Variants in STK32B observed in about 807,000 individuals in gnomAD.
STK32B encodes serine/threonine kinase 32B.
Under a neutral mutation model 52.6 loss-of-function variants are expected in STK32B, and 43 were observed. That is an observed-to-expected ratio of 0.82 (90% CI 0.64 to 1.05). The LOEUF (loss-of-function observed/expected upper bound fraction) is 1.05. Ranked by LOEUF, STK32B falls within the 50% of genes least tolerant of loss-of-function variation. The pLI, the probability that STK32B is intolerant of heterozygous loss-of-function variation, is 0.00. For missense variants in STK32B, 621 were observed against 534.6 expected, an observed-to-expected ratio of 1.16 and a Z score of -1.59; for synonymous variants, 238 against 204.3, an observed-to-expected ratio of 1.17 and a Z score of -1.41.
chr4:5,318,628 G>A (rs957737864), intron 3 of STK32B, among the ~76,000 whole-genome samples: 1 of 151,992 alleles, frequency 6.6e-6, no homozygotes, highest in Non-Finnish European at 1.5e-5. Context: ...GAATCACAGG[G>A]TAGGTACTTT....
chr4:5,401,553 A>G (rs1737292629), intron 5 of STK32B, among the ~76,000 whole-genome samples: 1 of 152,208 alleles, frequency 6.6e-6, no homozygotes, highest in Non-Finnish European at 1.5e-5. Context: ...CTTGGAATGG[A>G]CACTTTCATT....
intron 3 of STK32B, among the ~76,000 whole-genome samples, chr4:5,195,874 G>C (rs1721608338): frequency 6.6e-6 from 1 of 152,164 alleles, no homozygotes; most frequent in Non-Finnish European, 1.5e-5. Context: ...ACTTGAACTG[G>C]ATTCTTAAAA....
At chr4:5,140,733 A>G (rs1410936447) in intron 2 of STK32B, among the ~76,000 whole-genome samples, 1 of 152,108 alleles carries the variant, frequency 6.6e-6, no homozygotes, top group Non-Finnish European at 1.5e-5. Flanking sequence ...GTGACTTAAG[A>G]AGTTGGATAG....
chr4:5,455,140 C>T (rs919968359), intron 7 of STK32B, among the ~76,000 whole-genome samples: 4 of 150,862 alleles, frequency 2.7e-5, no homozygotes, highest in Admixed American at 1.3e-4. Flanking sequence ...AACATCTTCT[C>T]CAGGGCCTCC....
chr4:5,359,512 C>T (rs534341858), intron 4 of STK32B, among the ~76,000 whole-genome samples: 3 of 152,150 alleles, frequency 2.0e-5, no homozygotes, highest in African/African-American at 4.8e-5. Context: ...CATCTTAGTG[C>T]ATATGTTCTA....
At chr4:5,033,250 A>C in the STK32B span, among the ~76,000 whole-genome samples, 2 of 152,118 alleles carry the variant, frequency 1.3e-5, no homozygotes, top group African/African-American at 4.8e-5. Flanking sequence ...ACGGTAGGTG[A>C]TACGGCGTCC....
upstream of STK32B, among the ~76,000 whole-genome samples, chr4:5,047,295 A>T (rs1424752935): frequency 2.6e-5 from 4 of 151,844 alleles, no homozygotes; most frequent in Admixed American, 2.6e-4. Context: ...CAATGAGAAC[A>T]CATGGACACA....
chr4:5,456,749 C>A, intron 7 of STK32B, 58 bp from the exon 8 acceptor site: 4 of 1,390,888 alleles, frequency 2.9e-6, no homozygotes, highest in East Asian at 2.4e-5. Flanking sequence ...TCTTAAAATG[C>A]GGACGGTGCC....
intron 11 of STK32B, among the ~76,000 whole-genome samples, chr4:5,497,466 G>A (rs1325379154): frequency 6.6e-6 from 1 of 152,192 alleles, no homozygotes; most frequent in Non-Finnish European, 1.5e-5. Context: ...TTCCTGCCCA[G>A]TCCACTAGGA....
At chr4:5,439,721 G>T (rs1363729038) in intron 6 of STK32B, among the ~76,000 whole-genome samples, 1 of 152,296 alleles carries the variant, frequency 6.6e-6, no homozygotes, top group Admixed American at 6.5e-5. Context: ...TTCTTCTAGG[G>T]TTTATATGGT....
intron 3 of STK32B, among the ~76,000 whole-genome samples, chr4:5,312,801 C>A (rs60778081): frequency 0.12 from 17,653 of 151,730 alleles, 2,594 homozygotes; most frequent in African/African-American, 0.35. Context: ...GGTATATACC[C>A]AGTAATGGGA....
Position 5,432,693 on chromosome 4 carries a change from G to A in STK32B, c.563-13980G>A, listed in dbSNP as rs530036368. 3.3e-5 allele frequency among the ~76,000 whole-genome samples: 5 copies of A among 152,248 alleles called. No homozygotes were observed. The South Asian group carries it at 1.0e-3, about 32-fold the overall frequency. ...GTGGCCAAATATGATGGTGCCTGGG[G>A]CCTGTTTTTAGGAAGTTTTCATGCT... On this transcript the variant is annotated intron_variant, in intron 6 of 11. Transcript: ENST00000282908.
intron 3 of STK32B, among the ~76,000 whole-genome samples, chr4:5,289,532 G>A (rs1231521228): frequency 6.6e-6 from 1 of 151,920 alleles, no homozygotes; most frequent in East Asian, 1.9e-4. Flanking sequence ...CTCATTAGAT[G>A]TCAGAGAAGT....
intron 3 of STK32B, among the ~76,000 whole-genome samples, chr4:5,222,934 G>C (rs771503617): frequency 2.0e-5 from 3 of 152,194 alleles, no homozygotes; most frequent in Non-Finnish European, 4.4e-5. Context: ...GAATGACCCA[G>C]AGATCTTTGG....
chr4:5,085,665 A>G (rs1173045585), intron 1 of STK32B, among the ~76,000 whole-genome samples: 1 of 152,234 alleles, frequency 6.6e-6, no homozygotes, highest in Non-Finnish European at 1.5e-5. Context: ...ATAAAAAAGC[A>G]TTGATAAAAT....
chr4:5,086,001 GGGA>G (rs58952963), intron 1 of STK32B, among the ~76,000 whole-genome samples: 37,365 of 151,976 alleles, frequency 0.25, 5,445 homozygotes, highest in Non-Finnish European at 0.34. Context: ...AGTGCTACTT[GGGA>G]GGAGAAGGGT....
chr4:5,226,941 C>G (rs1457890128), intron 3 of STK32B, among the ~76,000 whole-genome samples: 1 of 152,144 alleles, frequency 6.6e-6, no homozygotes, highest in African/African-American at 2.4e-5. Context: ...ACCAAAAATA[C>G]TTATTTTTTT....
At chr4:5,249,079 A>G (rs886244575) in intron 3 of STK32B, among the ~76,000 whole-genome samples, 2 of 149,872 alleles carry the variant, frequency 1.3e-5, no homozygotes, top group African/African-American at 2.5e-5. Flanking sequence ...AAGTATGATA[A>G]TAAAAAAATA....
chr4:5,422,827 T>C (rs538032825), intron 6 of STK32B, among the ~76,000 whole-genome samples: 7 of 152,238 alleles, frequency 4.6e-5, no homozygotes, highest in Admixed American at 3.3e-4. Flanking sequence ...TGAGATCTTT[T>C]TGGACAGTTT....
Sources: gnomAD v4.1 joint callset for allele counts (sites outside exome capture counted in the v4.1 genomes callset) on GRCh38, gnomAD v4.1.1 for gene constraint, MANE v1.5 for transcripts, NCBI Gene and HGNC (gene_info 2026-07-23, HGNC 2026-07-21) for gene names.